MKRN2OS: variants seen among roughly 807,000 people sequenced by gnomAD.
MKRN2OS encodes MKRN2 opposite strand, also known as MKRN2 opposite strand protein.
Under a neutral mutation model 18.2 loss-of-function variants are expected in MKRN2OS, and 17 were observed. The ratio of observed to expected loss-of-function variants is 0.93; its 90% confidence interval spans 0.64 to 1.40. MKRN2OS has a LOEUF of 1.40. Ranked by LOEUF, MKRN2OS falls within the 40% of genes most tolerant of loss-of-function variation. MKRN2OS has a pLI of 0.00. For missense variants in MKRN2OS, 337 were observed against 283.0 expected (o/e 1.19, Z -1.37); for synonymous variants, 121 against 108.5 (o/e 1.12, Z -0.72).
intron 1 of MKRN2OS, among the ~76,000 whole-genome samples, chr3:12,556,181 G>A (rs949843715): frequency 6.6e-6 from 1 of 152,140 alleles, no homozygotes; most frequent in Non-Finnish European, 1.5e-5. Context: ...GAAGCCAGAA[G>A]ACCAGTTAAA....
upstream of MKRN2OS, among the ~76,000 whole-genome samples, chr3:12,545,785 T>G (rs960438480): frequency 2.6e-5 from 4 of 152,198 alleles, no homozygotes; most frequent in Non-Finnish European, 5.9e-5. Flanking sequence ...GTGGCAGCGC[T>G]GGATTCATAT....
At chr3:12,557,894 G>T (rs1010512353) in intron 1 of MKRN2OS, among the ~76,000 whole-genome samples, 2 of 152,222 alleles carry the variant, frequency 1.3e-5, no homozygotes, top group Non-Finnish European at 2.9e-5. Flanking sequence ...ATGGTTTATT[G>T]TAGAAAATAG....
At chr3:12,557,044 C>G (rs1162547749) in intron 1 of MKRN2OS, 18 of 1,083,202 alleles carry the variant, frequency 1.7e-5, no homozygotes, top group Non-Finnish European at 1.9e-5. Flanking sequence ...CGCCGGCGTG[C>G]GCCGGCGTGA....
chr3:12,551,824 G>T (rs1216905199), downstream of MKRN2OS, among the ~76,000 whole-genome samples: 1 of 151,836 alleles, frequency 6.6e-6, no homozygotes, highest in Non-Finnish European at 1.5e-5. Flanking sequence ...CATGGCTGTA[G>T]TCCCAGCTAT....
chr3:12,539,951 A>C lies in MKRN2OS; in HGVS notation c.*242T>G. 2 of 463,078 alleles carry C rather than the reference A, an allele frequency of 4.3e-6. No homozygotes were observed. The highest frequency in any genetic ancestry group is 7.9e-6 in the Non-Finnish European group (2 of 254,262). The allele number at this position is 463,078 out of a possible 1,614,324, so 28.7% of individuals were successfully genotyped here. On this transcript the variant is annotated 3_prime_UTR_variant, in exon 4 of 4. Transcript: ENST00000564146. ...CAGGCATGCGCCACCATGCCCAGCT[A>C]ATTTTATATTTTTAGTAAGGACGGG...
intron 3 of MKRN2OS, 69 bp from the exon 4 acceptor site, chr3:12,540,502 C>A: frequency 6.6e-7 from 1 of 1,524,684 alleles, no homozygotes; most frequent in South Asian, 1.2e-5. Flanking sequence ...CTACTGAAGG[C>A]CTTTCCTAAC....
At chr3:12,552,250 G>A (rs1011853391), downstream of MKRN2OS, among the ~76,000 whole-genome samples, 21 of 151,800 alleles carry the variant, frequency 1.4e-4, no homozygotes, top group East Asian at 3.1e-3. Context: ...CCCTGGAGGC[G>A]GAGGTTGCAG....
intron 1 of MKRN2OS, among the ~76,000 whole-genome samples, chr3:12,559,784 T>C (rs1302513349): frequency 6.6e-6 from 1 of 152,228 alleles, no homozygotes; most frequent in Non-Finnish European, 1.5e-5. Context: ...TGTCTTCCAG[T>C]CTGTTTTCGG....
chr3:12,556,196 T>C (rs1365722727), intron 1 of MKRN2OS, among the ~76,000 whole-genome samples: 1 of 152,064 alleles, frequency 6.6e-6, no homozygotes, highest in African/African-American at 2.4e-5. Flanking sequence ...GTTAAAAGGC[T>C]ATCGCATGGC....
rs1026461475 is a variant in MKRN2OS, at chr3:12,541,993, C to T, written c.298G>A (p.Val100Ile). 2 of 1,535,820 alleles carry T rather than the reference C, an allele frequency of 1.3e-6. No individual in the cohort carries two copies. The highest frequency in any genetic ancestry group is 1.4e-5 in the African/African-American group (1 of 73,018). ...GVVYNYSAHG[V>I]QRDGEGWEES... ...TCCCACCCTTCTCCGTCTCGCTGGA[C>T]ACCATGTGCACTGTAATTATACACA... The change falls in exon 3 of 4, where the codon GTC becomes ATC. Residue 100 changes from valine to isoleucine, a missense_variant. By Grantham distance (29) the Val-to-Ile change is conservative. Transcript: ENST00000564146.
downstream of MKRN2OS, among the ~76,000 whole-genome samples, chr3:12,552,145 C>T (rs994429258): frequency 2.6e-5 from 4 of 151,890 alleles, no homozygotes; most frequent in Admixed American, 2.6e-4. Flanking sequence ...TAGTGAAACC[C>T]TGTCTCTACT....
chr3:12,541,758 A>G, intron 3 of MKRN2OS, 102 bp downstream of exon 3: 1 of 1,222,026 alleles, frequency 8.2e-7, no homozygotes, highest in Non-Finnish European at 1.1e-6. Flanking sequence ...GCTCAACATG[A>G]AGCTAAGTGC....
intron 3 of MKRN2OS, among the ~76,000 whole-genome samples, chr3:12,541,329 T>TCTC (rs1184252161): frequency 6.6e-6 from 1 of 152,060 alleles, no homozygotes; most frequent in African/African-American, 2.4e-5. Flanking sequence ...TTCAAGTGAT[T>TCTC]CTCCTGCCCA....
At chr3:12,551,983 G>A (rs2057932679), downstream of MKRN2OS, among the ~76,000 whole-genome samples, 1 of 151,780 alleles carries the variant, frequency 6.6e-6, no homozygotes, top group South Asian at 2.1e-4. Context: ...TTTAAATCCA[G>A]CTATATTACA....
At chr3:12,552,406 A>T (rs1340618124), downstream of MKRN2OS, among the ~76,000 whole-genome samples, 2 of 136,876 alleles carry the variant, frequency 1.5e-5, no homozygotes, top group African/African-American at 6.1e-5. Flanking sequence ...AATTTTTTTT[A>T]ATTTTTAATT....
intron 1 of MKRN2OS, among the ~76,000 whole-genome samples, chr3:12,556,094 T>C (rs1165177351): frequency 6.6e-6 from 1 of 152,234 alleles, no homozygotes; most frequent in Non-Finnish European, 1.5e-5. Flanking sequence ...TTTTAAGCAA[T>C]GAGAAACCAT....
chr3:12,555,801 C>T (rs1380990343), intron 1 of MKRN2OS, among the ~76,000 whole-genome samples: 1 of 152,180 alleles, frequency 6.6e-6, no homozygotes, highest in Admixed American at 6.5e-5. Flanking sequence ...CTCAAAGGAT[C>T]CTTCCGGCTC....
chr3:12,557,112 G>C (rs2057980285), intron 1 of MKRN2OS: 10 of 1,492,716 alleles, frequency 6.7e-6, no homozygotes, highest in Non-Finnish European at 8.9e-6. Flanking sequence ...GCGGCTGCGA[G>C]AGGCGGCGGC....
chr3:12,544,830 T>A (rs1357469318), intron 1 of MKRN2OS, among the ~76,000 whole-genome samples: 1 of 152,186 alleles, frequency 6.6e-6, no homozygotes, highest in Non-Finnish European at 1.5e-5. Flanking sequence ...TTCAGTTTAA[T>A]TTGCCTCCAT....
Sources: allele counts gnomAD v4.1 joint callset (sites outside exome capture counted in the v4.1 genomes callset), GRCh38; gene constraint gnomAD v4.1.1; transcripts MANE v1.5; gene names NCBI Gene and HGNC (gene_info 2026-07-23, HGNC 2026-07-21).